The following MAP2K4 variants were observed in gnomAD, a reference collection of about 807,000 sequenced individuals.
The protein encoded by MAP2K4 is mitogen-activated protein kinase kinase 4.
In MAP2K4, 4 loss-of-function variants were observed where a neutral mutation model predicts 48.5. That is an observed-to-expected ratio of 0.08 (90% confidence interval 0.04 to 0.19). The LOEUF (loss-of-function observed/expected upper bound fraction) is 0.19. MAP2K4 is among the 10% of genes least tolerant of loss of function. The probability of loss-of-function intolerance (pLI) is 1.00; values close to 1 mark genes in which losing one functional copy is unlikely to be tolerated. For synonymous variants in MAP2K4, 166 were observed against 173.1 expected (o/e 0.96, Z 0.32); for missense variants, 258 against 493.3 (o/e 0.52, Z 4.52).
At chr17:12,102,411 T>A (rs1338078547) in intron 4 of MAP2K4, among the ~76,000 whole-genome samples, 2 of 152,192 alleles carry the variant, frequency 1.3e-5, no homozygotes, top group African/African-American at 2.4e-5. Flanking sequence ...TTCAATTTGT[T>A]AAATTACTAA....
chr17:12,066,943 C>T (rs978419178), intron 2 of MAP2K4, among the ~76,000 whole-genome samples: 20 of 152,332 alleles, frequency 1.3e-4, no homozygotes, highest in Admixed American at 3.3e-4. Context: ...TCCCAAAGTG[C>T]TGGGATTACA....
chr17:12,021,734 G>GAAGA (rs1358763205), intron 1 of MAP2K4, among the ~76,000 whole-genome samples: 2 of 99,984 alleles, frequency 2.0e-5, no homozygotes, highest in Non-Finnish European at 3.8e-5. Context: ...CGTGCAGGAA[G>GAAGA]AAAAAAAAAA....
rs2151577610 is a variant in MAP2K4, at chr17:12,113,226, C to T, written c.686-7C>T. 6.2e-7 allele frequency: 1 copy of T among 1,612,312 alleles called. No individual in the cohort carries two copies. The highest frequency in any genetic ancestry group is 8.5e-7 in the Non-Finnish European group (1 of 1,179,016). The stretch of plus-strand genomic sequence containing the variant: ...ATTGTATACTGAATGATATCTATGT[C>T]TTGCAGATATCAAACCTTCCAATAT... On this transcript the variant is annotated splice_polypyrimidine_tract_variant and splice_region_variant and intron_variant, in intron 6 of 10. Transcript: ENST00000353533.
At chr17:12,064,973 T>A (rs546075169) in intron 2 of MAP2K4, among the ~76,000 whole-genome samples, 49 of 152,312 alleles carry the variant, frequency 3.2e-4, no homozygotes, top group African/African-American at 1.1e-3. Flanking sequence ...ACATACTGAT[T>A]CTATCTCTAT....
chr17:12,113,779 G>A (rs933383171), intron 7 of MAP2K4, among the ~76,000 whole-genome samples: 1 of 151,868 alleles, frequency 6.6e-6, no homozygotes, highest in Non-Finnish European at 1.5e-5. Flanking sequence ...CTTTTTTTTA[G>A]GGGTAGATGA....
At chr17:12,060,842 C>T (rs1042176192) in intron 2 of MAP2K4, among the ~76,000 whole-genome samples, 1 of 151,922 alleles carries the variant, frequency 6.6e-6, no homozygotes, top group East Asian at 1.9e-4. Context: ...TTTATCTTAA[C>T]CATTTTAAGT....
At chr17:12,088,466 TATTAAATATA>T (rs1971440433) in intron 3 of MAP2K4, among the ~76,000 whole-genome samples, 1 of 24,594 alleles carries the variant, frequency 4.1e-5, no homozygotes, top group African/African-American at 8.9e-5. Flanking sequence ...TATTATACAA[TATTAAATATA>T]ATATTAAATA....
chr17:12,020,955 C>T lies in MAP2K4; in HGVS notation c.69C>T (p.Pro23=). 3 of 1,216,846 alleles carry T rather than the reference C, an allele frequency of 2.5e-6. No individual in the cohort carries two copies. Among genetic ancestry groups the T allele is most frequent in the Non-Finnish European group, 3.1e-6 (3 of 978,556 alleles). 75.4% of individuals were successfully genotyped at this position (1,216,846 alleles called of 1,614,324 possible). A position where few individuals can be genotyped will look rare whatever the true frequency, so the allele number is the denominator to read the frequency against. The stretch of plus-strand genomic sequence containing the variant: ...GCAGCGGCAGCGGCACCCCCGGCCC[C>T]GTAGGGTCCCCGGCGCCAGGCCACC... ...GGGSGSGTPG[P]VGSPAPGHPA... The change falls in exon 1 of 11, where the codon CCC becomes CCT. Residue 23 remains proline, a synonymous_variant. Transcript: ENST00000353533.
chr17:12,133,578 T>G (rs1000336391), intron 9 of MAP2K4, among the ~76,000 whole-genome samples: 1 of 152,178 alleles, frequency 6.6e-6, no homozygotes, highest in African/African-American at 2.4e-5. Context: ...GTTTCCCAAT[T>G]TAACTATCTA....
rs189817203 is a variant in MAP2K4 at position 12,141,281 on chromosome 17, C to A, written c.*21C>A. On this transcript the variant is annotated 3_prime_UTR_variant, in exon 11 of 11. Transcript: ENST00000353533. ...ATTGATATCGCTGCTACATCAGACTCTAGAAAAAAGGGCTGAGAGGAAGCA... is the reference window on the plus strand; with the variant it reads ...ATTGATATCGCTGCTACATCAGACTATAGAAAAAAGGGCTGAGAGGAAGCA... The A allele has an allele frequency of 6.3e-5, 97 of 1,546,076 alleles. No homozygotes were observed. The East Asian group carries it at 7.4e-4, about 12-fold the overall frequency.
At chr17:12,140,400 TC>T (rs1973340120) in intron 10 of MAP2K4, among the ~76,000 whole-genome samples, 1 of 152,156 alleles carries the variant, frequency 6.6e-6, no homozygotes, top group Non-Finnish European at 1.5e-5. Context: ...TAAGAAAAGA[TC>T]CATTTGTTTG....
At chr17:12,131,571 C>T (rs960502882) in intron 9 of MAP2K4, among the ~76,000 whole-genome samples, 1 of 152,058 alleles carries the variant, frequency 6.6e-6, no homozygotes, top group African/African-American at 2.4e-5. Context: ...CTCATGACTT[C>T]CCTCTCCTTG....
rs528931140 is a variant in MAP2K4 at position 12,100,189 on chromosome 17, C to G, written c.513+4495C>G. Among the ~76,000 whole-genome samples, 6 of 152,298 alleles carry G rather than the reference C, an allele frequency of 3.9e-5. No homozygotes were observed. In the South Asian group the frequency reaches 8.3e-4, roughly 21 times the overall value. ...AGGTAATGAATATGCCCATCACTTA[C>G]GAGTTTCCTTACACCACGTAGGTAA... On this transcript the variant is annotated intron_variant, in intron 4 of 10. Coordinates refer to ENST00000353533, the MANE Select transcript of MAP2K4 (RefSeq NM_003010.4).
intron 2 of MAP2K4, among the ~76,000 whole-genome samples, chr17:12,071,058 T>C (rs1386063865): frequency 6.6e-6 from 1 of 152,238 alleles, no homozygotes; most frequent in African/African-American, 2.4e-5. Context: ...GTAATCTCTA[T>C]GGTCTTCTTC....
chr17:12,127,807 T>C (rs536254764), intron 8 of MAP2K4, among the ~76,000 whole-genome samples: 5 of 152,340 alleles, frequency 3.3e-5, no homozygotes, highest in Non-Finnish European at 7.3e-5. Context: ...TACATTTTTC[T>C]GTGTGTGTAT....
intron 6 of MAP2K4, chr17:12,110,829 A>C (rs1972280997): frequency 6.1e-6 from 1 of 164,750 alleles, no homozygotes; most frequent in Non-Finnish European, 1.3e-5. Context: ...TTTCTTCTTC[A>C]CATTAGAGGA....
At chr17:12,060,954 G>C (rs34310066) in intron 2 of MAP2K4, among the ~76,000 whole-genome samples, 2 of 151,858 alleles carry the variant, frequency 1.3e-5, no homozygotes, top group African/African-American at 2.4e-5. Flanking sequence ...TTCTGTACCC[G>C]TTAAGCAATA....
intron 1 of MAP2K4, among the ~76,000 whole-genome samples, chr17:12,035,603 T>C (rs1275674748): frequency 6.6e-6 from 1 of 152,232 alleles, no homozygotes; most frequent in Non-Finnish European, 1.5e-5. Context: ...TTCTCCACTG[T>C]TGGGGCACAC....
chr17:12,100,111 A>G (rs1426151532), intron 4 of MAP2K4, among the ~76,000 whole-genome samples: 1 of 152,198 alleles, frequency 6.6e-6, no homozygotes, highest in Non-Finnish European at 1.5e-5. Context: ...TAAAGTGTAC[A>G]GTTTGATATG....
Sources: gnomAD v4.1 joint callset for allele counts (sites outside exome capture counted in the v4.1 genomes callset) on GRCh38, gnomAD v4.1.1 for gene constraint, MANE v1.5 for transcripts, NCBI Gene and HGNC (gene_info 2026-07-23, HGNC 2026-07-21) for gene names.